NLRP12: variants seen among roughly 807,000 people sequenced by gnomAD.
NLRP12 encodes NACHT, LRR and PYD domains-containing protein 12.
NLRP12 carries 108 observed loss-of-function variants against 91.2 expected under a neutral mutation model. That is an observed-to-expected ratio of 1.18 (90% CI 1.01 to 1.39). The LOEUF (loss-of-function observed/expected upper bound fraction) is 1.39, where lower values mean the gene tolerates loss of function less well. Ranked by LOEUF, NLRP12 falls within the 40% of genes most tolerant of loss-of-function variation. The pLI is 0.00. For synonymous variants in NLRP12, 613 were observed against 566.7 expected, an observed-to-expected ratio of 1.08 and a Z score of -1.16; for missense variants, 1,530 against 1,352.7, an observed-to-expected ratio of 1.13 and a Z score of -2.06.
chr19:53,798,962 G>A (rs945744276), intron 7 of NLRP12, among the ~76,000 whole-genome samples: 3 of 149,332 alleles, frequency 2.0e-5, no homozygotes, highest in Non-Finnish European at 3.0e-5. Context: ...GGCTGGTTTC[G>A]AACTCCTGAC....
chr19:53,795,262 C>CA (rs55736105), intron 9 of NLRP12, among the ~76,000 whole-genome samples: 81,311 of 149,590 alleles, frequency 0.54, 22,308 homozygotes, highest in South Asian at 0.62. Context: ...AGATCCTGTC[C>CA]AAAAAAAAAG....
At position 53,810,504 on chromosome 19, in the gene NLRP12, G is replaced by A; in HGVS notation, c.1155C>T (p.Gly385=). 6.2e-7 allele frequency: 1 copy of A among 1,614,046 alleles called. No homozygotes were observed. Among genetic ancestry groups the A allele is most frequent in the East Asian group, 2.2e-5 (1 of 44,876 alleles). ...YKYFHNAEQA[G]QVFNYVRDNE... is the part of the protein sequence containing the mutation. ...TGTCCCTCACGTAATTGAAGACTTG[G>A]CCCGCCTGCTCTGCATTGTGGAAAT... Residue 385 remains glycine (G), a synonymous_variant, in exon 3 of 10, where the codon GGC becomes GGT. Transcript: ENST00000324134.
intron 1 of NLRP12, among the ~76,000 whole-genome samples, chr19:53,817,870 C>G (rs1167534137): frequency 1.3e-5 from 2 of 151,938 alleles, no homozygotes; most frequent in East Asian, 3.9e-4. Context: ...GCAACCTCTG[C>G]CTCCAGGGTT....
chr19:53,799,629 TCC>T (rs2091833914), intron 7 of NLRP12, among the ~76,000 whole-genome samples: 5 of 151,838 alleles, frequency 3.3e-5, no homozygotes, highest in African/African-American at 1.2e-4. Context: ...ATATCAGGCG[TCC>T]GCCACCATGC....
Position 53,796,028 on chromosome 19 carries a change from G to T in NLRP12, c.2929C>A (p.Leu977Met), listed in dbSNP as rs750514177. 1 of 1,614,046 alleles carries T rather than the reference G, an allele frequency of 6.2e-7. No homozygotes were observed. The highest frequency in any genetic ancestry group is 1.1e-5 in the South Asian group (1 of 91,086). ...TTGGCTGTGAGGCCACAGCTATCCA[G>T]CCTGGTGAAGATAAGGAGTTGGTTA... ...HPACRLQKLWLDSCGLTAKAC... is the reference protein window; with the variant it reads ...HPACRLQKLWMDSCGLTAKAC... The change falls in exon 9 of 10, where the codon CTG (leucine) becomes ATG (methionine). Residue 977 changes from leucine (L) to methionine (M), a missense_variant and splice_region_variant. Physicochemically the swap from Leu to Met is conservative, Grantham distance 15 (BLOSUM62 2). Transcript: ENST00000324134.
intron 7 of NLRP12, 60 bp from the exon 8 acceptor site, chr19:53,798,473 A>G: frequency 6.5e-7 from 1 of 1,548,164 alleles, no homozygotes; most frequent in Non-Finnish European, 8.8e-7. Flanking sequence ...ATCTGCTGGG[A>G]GGGCCCTGTG....
intron 1 of NLRP12, 134 bp downstream of exon 1, chr19:53,823,752 G>A (rs1053355929): frequency 2.0e-6 from 2 of 1,007,066 alleles, no homozygotes; most frequent in Admixed American, 3.5e-5. Flanking sequence ...GCCTCACTAT[G>A]TTGTCCAGAC....
intron 2 of NLRP12, 109 bp from the exon 3 acceptor site, chr19:53,811,397 C>G (rs2092074332): frequency 2.3e-6 from 3 of 1,280,600 alleles, no homozygotes; most frequent in Non-Finnish European, 3.4e-6. Context: ...GCCTGTAGTT[C>G]CAGCTACTCA....
chr19:53,811,749 T>G, intron 2 of NLRP12, among the ~76,000 whole-genome samples: 1 of 151,564 alleles, frequency 6.6e-6, no homozygotes, highest in Non-Finnish European at 1.5e-5. Context: ...GTATTTTTAG[T>G]AGAGACGGGG....
intron 2 of NLRP12, among the ~76,000 whole-genome samples, chr19:53,812,022 A>C (rs1009145158): frequency 2.0e-5 from 3 of 152,120 alleles, no homozygotes; most frequent in African/African-American, 7.2e-5. Flanking sequence ...GGATCGCCTG[A>C]ACTCAGGAGT....
Position 53,801,367 on chromosome 19 carries a change from G to C in NLRP12, c.2616C>G (p.Ala872=). The C allele has an allele frequency of 1.2e-6, 2 of 1,613,954 alleles. No homozygotes were observed. The highest frequency in any genetic ancestry group is 1.7e-6 in the Non-Finnish European group (2 of 1,179,996). Residue 872 remains alanine (A), a synonymous_variant, in exon 7 of 10, where the codon GCC becomes GCG. Transcript: ENST00000324134. ...WLKICRLTAA[A]CDELASTLSV... is the part of the protein sequence containing the mutation. The stretch of plus-strand genomic sequence containing the variant: ...TGAGAGTTGAGGCCAGCTCGTCACA[G>C]GCAGCAGCAGTGAGGCGGCAGATCT...
chr19:53,823,900 T>C lies in NLRP12; in HGVS notation c.275A>G (p.Glu92Gly), dbSNP rs1248752308. ...RKDLWERGQR[E>G]DLVRDTPPGG... ...CACCTCCTTACCCCTCACCAGGTCCTCTCTCTGTCCTCTCTCCCACAGGTC... is the reference window on the plus strand; with the variant it reads ...CACCTCCTTACCCCTCACCAGGTCCCCTCTCTGTCCTCTCTCCCACAGGTC... The change falls in exon 1 of 10, where the codon GAG (glutamate) becomes GGG (glycine). Residue 92 changes from glutamate (E) to glycine (G), a missense_variant. Transcript: ENST00000324134. 1 of 1,613,850 alleles carries C rather than the reference T, an allele frequency of 6.2e-7. No homozygotes were observed. Among genetic ancestry groups the C allele is most frequent in the Non-Finnish European group, 8.5e-7 (1 of 1,180,024 alleles).
In NLRP12 at chr19:53,821,031, CTTTTTTTTTT is replaced by C. The variant is rs1158419664; in HGVS notation, c.289+2845_289+2854del. Reference sequence around the variant, plus strand: ...TGCCTGAGTATAAATCATATTTTTTCTTTTTTTTTTTTTTTTTTTTTTGAGACAGAGTCTT... The same window carrying C: ...TGCCTGAGTATAAATCATATTTTTTCTTTTTTTTTTTTGAGACAGAGTCTT... On this transcript the variant is annotated intron_variant, in intron 1 of 9. Transcript: ENST00000324134. 2.7e-4 allele frequency among the ~76,000 whole-genome samples: 22 copies of C among 81,274 alleles called. 2 individuals carry two copies. The allele number at this position is 81,274 out of a possible 152,430, so 53.3% of individuals were successfully genotyped here. A position where few individuals can be genotyped will look rare whatever the true frequency, so the allele number is the denominator to read the frequency against.
rs193045340 is a variant in NLRP12 at position 53,821,625 on chromosome 19, G to A, written c.289+2261C>T. 2.0e-3 allele frequency among the ~76,000 whole-genome samples: 309 copies of A among 152,132 alleles called. 5 individuals carry two copies. Among genetic ancestry groups the A allele is most frequent in the Admixed American group, 0.016 (239 of 15,266 alleles). On this transcript the variant is annotated intron_variant, in intron 1 of 9. Transcript: ENST00000324134. Reference sequence around the variant, plus strand: ...AGAGCTTGCAGTGAGCTGAGATTGCGCCACTGCACTCCAGCCTGGGCGACA... The same window carrying A: ...AGAGCTTGCAGTGAGCTGAGATTGCACCACTGCACTCCAGCCTGGGCGACA...
At chr19:53,815,934 ATTTTTTT>A (rs576400966) in intron 1 of NLRP12, among the ~76,000 whole-genome samples, 1 of 135,526 alleles carries the variant, frequency 7.4e-6, no homozygotes. Flanking sequence ...AAATATTTTA[ATTTTTTT>A]TTTTTTTTTT....
rs755023863 is a variant in NLRP12 at position 53,805,647 on chromosome 19, A to T, written c.2244-197T>A. 33 of 632,224 alleles carry T rather than the reference A, an allele frequency of 5.2e-5. 1 individual carries two copies. The Admixed American group carries it at 6.8e-4, about 13-fold the overall frequency. 39.2% of individuals were successfully genotyped at this position (632,224 alleles called of 1,614,324 possible). On this transcript the variant is annotated intron_variant, in intron 4 of 9. Transcript: ENST00000324134. ...ATCCTCCTGCCTTGGCCTCCTGAGT[A>T]GCTGGGCTTACAGACGTGTGCCACC...
intron 2 of NLRP12, among the ~76,000 whole-genome samples, chr19:53,813,450 T>C (rs571731318): frequency 3.3e-5 from 5 of 151,578 alleles, no homozygotes; most frequent in African/African-American, 1.2e-4. Context: ...TACAGGTGCC[T>C]GCCACCACGC....
intron 1 of NLRP12, 137 bp downstream of exon 1, chr19:53,823,749 T>G: frequency 2.1e-6 from 2 of 974,448 alleles, no homozygotes; most frequent in Admixed American, 3.6e-5. Flanking sequence ...AGAGCCTCAC[T>G]ATGTTGTCCA....
intron 1 of NLRP12, among the ~76,000 whole-genome samples, chr19:53,819,439 ATATATATATATATATATATGTG>A (rs1216619360): frequency 1.9e-4 from 4 of 21,538 alleles, no homozygotes; most frequent in African/African-American, 1.5e-4. Context: ...ATATATATAT[ATATATATATATATATATATGTG>A]TGTGTGTGTG....
Sources: allele counts gnomAD v4.1 joint callset (sites outside exome capture counted in the v4.1 genomes callset), GRCh38; gene constraint gnomAD v4.1.1; transcripts MANE v1.5; gene names NCBI Gene and HGNC (gene_info 2026-07-23, HGNC 2026-07-21).